FAM135A: variants seen among roughly 807,000 people sequenced by gnomAD.
FAM135A encodes family with sequence similarity 135 member A.
FAM135A carries 79 observed loss-of-function variants against 146.8 expected under a neutral mutation model. The observed-to-expected ratio is 0.54, with a 90% CI of 0.45 to 0.65. The LOEUF (loss-of-function observed/expected upper bound fraction) is 0.65. FAM135A is among the 30% of genes least tolerant of loss of function. The pLI, the probability that FAM135A is intolerant of heterozygous loss-of-function variation, is 0.00. For synonymous variants in FAM135A, 562 were observed against 603.6 expected (o/e 0.93, Z 1.01); for missense variants, 1,623 against 1,758.2 (o/e 0.92, Z 1.38).
intron 12 of FAM135A, among the ~76,000 whole-genome samples, chr6:70,506,966 A>G (rs185402998): frequency 2.6e-5 from 4 of 152,070 alleles, no homozygotes; most frequent in African/African-American, 9.7e-5. Context: ...TAGGAACAAG[A>G]AGGTAAACTT....
intron 5 of FAM135A, among the ~76,000 whole-genome samples, chr6:70,461,487 C>G (rs560990275): frequency 2.3e-4 from 35 of 152,214 alleles, no homozygotes; most frequent in African/African-American, 8.4e-4. Flanking sequence ...CATAATTTTT[C>G]TGTGTTATGT....
At position 70,556,823 on chromosome 6, in the gene FAM135A, C is replaced by T; in HGVS notation, c.4302C>T (p.Arg1434=). ...GCTATGTTCCTTATCACTCTGCCCG[C>T]ATTGAAATGTGTAAAACAGCTTTAA... ...QDRYVPYHSA[R]IEMCKTALKD... The change falls in exon 21 of 22, where the codon CGC becomes CGT. Residue 1434 remains arginine (R), a synonymous_variant. Transcript: ENST00000418814. 6 of 1,613,934 alleles carry T rather than the reference C, an allele frequency of 3.7e-6. No homozygotes were observed. The highest frequency in any genetic ancestry group is 5.1e-6 in the Non-Finnish European group (6 of 1,179,984).
chr6:70,536,092 AT>A, intron 18 of FAM135A, 167 bp from the exon 19 acceptor site: 2 of 559,614 alleles, frequency 3.6e-6, no homozygotes, highest in South Asian at 2.9e-5. Flanking sequence ...ACATTCTCAC[AT>A]TTTTTCCTTC....
chr6:70,415,013 G>A (rs1767245063), intron 1 of FAM135A, among the ~76,000 whole-genome samples: 1 of 152,144 alleles, frequency 6.6e-6, no homozygotes, highest in Non-Finnish European at 1.5e-5. Context: ...GCAATTGATT[G>A]CATAATTTTC....
chr6:70,522,440 T>C (rs1485243327), intron 12 of FAM135A, 73 bp from the exon 13 acceptor site: 41 of 1,333,690 alleles, frequency 3.1e-5, no homozygotes, highest in Non-Finnish European at 4.2e-5. Context: ...GCAGTTTCTC[T>C]CCTTACCATA....
At chr6:70,499,187 GT>G (rs1301835440) in intron 11 of FAM135A, among the ~76,000 whole-genome samples, 6 of 152,198 alleles carry the variant, frequency 3.9e-5, no homozygotes, top group African/African-American at 1.4e-4. Context: ...ATTTAGGATA[GT>G]TAGCTCTTCT....
In FAM135A at chr6:70,533,245, A is replaced by C; in HGVS notation, c.3861A>C (p.Arg1287Ser). The C allele has an allele frequency of 6.2e-7, 1 of 1,611,700 alleles. No individual in the cohort carries two copies. The highest frequency in any genetic ancestry group is 8.5e-7 in the Non-Finnish European group (1 of 1,178,278). ...GAATTGATTTTCTTATGTCTGAGAGAAATCAGGTACAATATGACAGTGTTT... is the reference window on the plus strand; with the variant it reads ...GAATTGATTTTCTTATGTCTGAGAGCAATCAGGTACAATATGACAGTGTTT... The part of the protein sequence containing the change: ...GGRIDFLMSE[R>S]NQNDTFADFD... The change falls in exon 17 of 22, where the codon AGA (arginine) becomes AGC (serine). Residue 1287 changes from arginine (R) to serine (S), a missense_variant. Transcript: ENST00000418814.
intron 4 of FAM135A, among the ~76,000 whole-genome samples, chr6:70,441,552 C>T (rs971134571): frequency 1.3e-5 from 2 of 152,062 alleles, no homozygotes; most frequent in Non-Finnish European, 2.9e-5. Flanking sequence ...TTCTTTGATC[C>T]AGACCTGGAG....
At chr6:70,422,274 T>C (rs932637715) in intron 2 of FAM135A, among the ~76,000 whole-genome samples, 4 of 152,218 alleles carry the variant, frequency 2.6e-5, no homozygotes, top group Non-Finnish European at 5.9e-5. Context: ...TCCCTATAGC[T>C]GGAAAACAAG....
intron 11 of FAM135A, among the ~76,000 whole-genome samples, chr6:70,498,168 T>G (rs1464939725): frequency 6.6e-6 from 1 of 152,230 alleles, no homozygotes; most frequent in Non-Finnish European, 1.5e-5. Context: ...TATTGGCCTA[T>G]TCAGGGATTC....
At chr6:70,435,749 T>C (rs1772964322) in intron 4 of FAM135A, among the ~76,000 whole-genome samples, 6 of 152,332 alleles carry the variant, frequency 3.9e-5, no homozygotes, top group Non-Finnish European at 1.5e-5. Flanking sequence ...GTTAAACTTA[T>C]GGAAGATTTG....
Position 70,528,302 on chromosome 6 carries a change from G to A in FAM135A, c.3625G>A (p.Ala1209Thr). Residue 1209 changes from alanine (A) to threonine (T), a missense_variant, in exon 16 of 22, where the codon GCA becomes ACA. Physicochemically the swap from Ala to Thr is moderately conservative, Grantham distance 58 (BLOSUM62 0). This residue lies in a region of FAM135A where 1,061 missense variants were observed against 1,113.8 expected (regional missense o/e 0.95). Transcript: ENST00000418814. The stretch of plus-strand genomic sequence containing the variant: ...TGTATTTTGCTTCAGCTTCCTTCAG[G>A]CAAAAGAAGAACTGAAGCTACTAAA... ...PKPQIQAFLQAKEELKLLKLP... is the reference protein window; with the variant it reads ...PKPQIQAFLQTKEELKLLKLP... The A allele has an allele frequency of 6.2e-7, 1 of 1,608,152 alleles. No individual in the cohort carries two copies. Among genetic ancestry groups the A allele is most frequent in the South Asian group, 1.1e-5 (1 of 89,610 alleles).
intron 12 of FAM135A, among the ~76,000 whole-genome samples, chr6:70,511,676 T>C (rs1161909061): frequency 6.6e-6 from 1 of 151,884 alleles, no homozygotes; most frequent in Non-Finnish European, 1.5e-5. Flanking sequence ...TACTTAATGA[T>C]TAGGATACTT....
At chr6:70,509,331 G>A (rs1457539493) in intron 12 of FAM135A, among the ~76,000 whole-genome samples, 1 of 152,056 alleles carries the variant, frequency 6.6e-6, no homozygotes, top group Admixed American at 6.6e-5. Context: ...TATGAGGTTA[G>A]CCTCTTTTAT....
intron 2 of FAM135A, among the ~76,000 whole-genome samples, chr6:70,417,302 C>T (rs1331769094): frequency 6.6e-6 from 1 of 150,862 alleles, no homozygotes; most frequent in African/African-American, 2.4e-5. Flanking sequence ...TTGCCTCTAC[C>T]TCCCGGATTC....
intron 5 of FAM135A, among the ~76,000 whole-genome samples, chr6:70,455,043 T>G (rs1778021877): frequency 6.6e-6 from 1 of 152,214 alleles, no homozygotes; most frequent in East Asian, 1.9e-4. Flanking sequence ...TTCACAATAT[T>G]GATTCTTCCT....
Position 70,525,668 on chromosome 6 carries a change from G to T in FAM135A, c.2584G>T (p.Glu862Ter). 2 of 1,612,532 alleles carry T rather than the reference G, an allele frequency of 1.2e-6. No individual in the cohort carries two copies. Among genetic ancestry groups the T allele is most frequent in the Non-Finnish European group, 1.7e-6 (2 of 1,179,454 alleles). The change falls in exon 15 of 22, where the codon GAA becomes TAA. Residue 862 changes from glutamate (E) to a stop codon, truncating the protein, a stop_gained. Transcript: ENST00000418814. LOFTEE classifies it high-confidence loss of function. ...DENSKKSVVP[E>*]CHLNDSKTVL... is the part of the protein sequence containing the mutation. ...AAATTCTAAGAAATCTGTTGTACCT[G>T]AATGCCATCTAAATGATAGCAAAAC...
At chr6:70,415,508 A>G (rs1767364899) in intron 2 of FAM135A, 132 bp downstream of exon 2, 3 of 152,298 alleles carry the variant, frequency 2.0e-5, no homozygotes, top group African/African-American at 7.2e-5. Context: ...CACTTCTTTG[A>G]GAAGAACTAG....
intron 5 of FAM135A, among the ~76,000 whole-genome samples, chr6:70,457,841 T>G (rs1411762813): frequency 2.0e-5 from 3 of 152,108 alleles, no homozygotes; most frequent in Non-Finnish European, 4.4e-5. Context: ...CCAAATAGAG[T>G]ACCTTCTCTT....
Sources: gnomAD v4.1 joint callset for allele counts (sites outside exome capture counted in the v4.1 genomes callset) on GRCh38, gnomAD v4.1.1 for gene constraint, gnomAD v4.1.1 regional missense constraint, MANE v1.5 for transcripts, NCBI Gene and HGNC (gene_info 2026-07-23, HGNC 2026-07-21) for gene names.